Variants in SLC5A4 observed in about 807,000 individuals in gnomAD.
SLC5A4 encodes probable glucose sensor protein SLC5A4.
A neutral mutation model predicts 70.3 loss-of-function variants in SLC5A4; 55 were observed. The ratio of observed to expected loss-of-function variants is 0.78; its 90% confidence interval spans 0.63 to 0.98. SLC5A4 has a LOEUF of 0.98. Ranked by LOEUF, SLC5A4 falls within the 50% of genes least tolerant of loss-of-function variation. The pLI, the probability that SLC5A4 is intolerant of heterozygous loss-of-function variation, is 0.00. For synonymous variants in SLC5A4, 268 were observed against 305.7 expected (o/e 0.88, Z 1.29); for missense variants, 735 against 839.2 (o/e 0.88, Z 1.53).
chr22:32,282,637 T>A, the SLC5A4 span, among the ~76,000 whole-genome samples: 1 of 152,164 alleles, frequency 6.6e-6, no homozygotes, highest in Non-Finnish European at 1.5e-5. Flanking sequence ...CTGTCCTGAC[T>A]CCTGACCTCC....
chr22:32,241,839 CTGTGTG>C lies in SLC5A4; in HGVS notation c.478-2755_478-2750del, dbSNP rs750938000. On this transcript the variant is annotated intron_variant, in intron 5 of 14. Transcript: ENST00000266086. ...TGTATGTGTGTGTGTATATATATAT[CTGTGTG>C]TGTGTGTGTGTGTGTGTATATATAT... Among the ~76,000 whole-genome samples, 92 of 114,156 alleles carry C rather than the reference CTGTGTG, an allele frequency of 8.1e-4. 1 individual carries two copies. The highest frequency in any genetic ancestry group is 1.5e-3 in the Non-Finnish European group (77 of 50,908). 74.9% of individuals were successfully genotyped at this position (114,156 alleles called of 152,430 possible). A position where few individuals can be genotyped will look rare whatever the true frequency, so the allele number is the denominator to read the frequency against.
chr22:32,295,331 T>G, the SLC5A4 span, among the ~76,000 whole-genome samples: 2 of 105,616 alleles, frequency 1.9e-5, 1 homozygote, highest in East Asian at 5.1e-4. Context: ...CACCTGTTGT[T>G]TCCTGACTTT....
At position 32,248,902 on chromosome 22, in the gene SLC5A4, G is replaced by A. The variant is rs1235458894; in HGVS notation, c.313-100C>T. 3.7e-6 allele frequency: 3 copies of A among 809,544 alleles called. No individual in the cohort carries two copies. In the Admixed American group the frequency reaches 6.0e-5, roughly 16 times the overall value. 50.1% of individuals were successfully genotyped at this position (809,544 alleles called of 1,614,324 possible). A position where few individuals can be genotyped will look rare whatever the true frequency, so the allele number is the denominator to read the frequency against. ...CTGAGTCTGGAAATTAAAAAAAAAA[G>A]TTGGCTCAATCCTGTCCCATTCAAA... On this transcript the variant is annotated intron_variant, in intron 3 of 14. Transcript: ENST00000266086.
intron 5 of SLC5A4, among the ~76,000 whole-genome samples, chr22:32,241,950 T>C (rs57131182): frequency 0.01 from 1,558 of 152,010 alleles, 42 homozygotes; most frequent in African/African-American, 0.036. Context: ...CATATAAATA[T>C]AGAATTGCAG....
At chr22:32,292,208 A>AAT in the SLC5A4 span, among the ~76,000 whole-genome samples, 1 of 73,530 alleles carries the variant, frequency 1.4e-5, no homozygotes, top group Non-Finnish European at 2.4e-5. Context: ...GATATTATAT[A>AAT]ATATATATAT....
the SLC5A4 span, among the ~76,000 whole-genome samples, chr22:32,313,258 T>C: frequency 6.6e-6 from 1 of 152,196 alleles, no homozygotes; most frequent in Admixed American, 6.5e-5. Flanking sequence ...GTTACTAGGG[T>C]AATTATATGT....
At chr22:32,295,272 G>T in the SLC5A4 span, among the ~76,000 whole-genome samples, 1 of 102,652 alleles carries the variant, frequency 9.7e-6, no homozygotes, top group East Asian at 2.6e-4. Flanking sequence ...CTAGTTTACA[G>T]TCCCACCAAC....
chr22:32,262,851 G>A, the SLC5A4 span, among the ~76,000 whole-genome samples: 11 of 151,970 alleles, frequency 7.2e-5, no homozygotes, highest in African/African-American at 2.4e-4. Flanking sequence ...CTCACTGCAA[G>A]CTCTGACTCC....
the SLC5A4 span, among the ~76,000 whole-genome samples, chr22:32,292,810 GT>G: frequency 6.6e-6 from 1 of 152,126 alleles, no homozygotes; most frequent in Non-Finnish European, 1.5e-5. Context: ...ATCACATTCA[GT>G]TCTTCATATT....
chr22:32,298,464 C>T, the SLC5A4 span, among the ~76,000 whole-genome samples: 17 of 106,384 alleles, frequency 1.6e-4, no homozygotes, highest in African/African-American at 6.0e-4. Flanking sequence ...TTATCAGAGA[C>T]TAGGATTGCA....
the SLC5A4 span, among the ~76,000 whole-genome samples, chr22:32,294,718 G>A: frequency 6.8e-6 from 1 of 146,206 alleles, no homozygotes; most frequent in African/African-American, 2.5e-5. Flanking sequence ...CATTGTGCAG[G>A]TTAGTTACAT....
At chr22:32,327,772 T>C in the SLC5A4 span, among the ~76,000 whole-genome samples, 1 of 152,100 alleles carries the variant, frequency 6.6e-6, no homozygotes, top group African/African-American at 2.4e-5. Flanking sequence ...CTGACGGATG[T>C]AGTCACTCTC....
At chr22:32,310,859 G>A in the SLC5A4 span, among the ~76,000 whole-genome samples, 2 of 152,210 alleles carry the variant, frequency 1.3e-5, no homozygotes, top group African/African-American at 2.4e-5. Context: ...TTTTCCAAAC[G>A]CAGGGCATTG....
At chr22:32,294,939 T>C in the SLC5A4 span, among the ~76,000 whole-genome samples, 1 of 98,708 alleles carries the variant, frequency 1.0e-5, no homozygotes, top group Admixed American at 1.1e-4. Context: ...CTTGCGATAG[T>C]TTACTGAGAA....
At chr22:32,269,508 T>C in the SLC5A4 span, 1 of 591,360 alleles carries the variant, frequency 1.7e-6, no homozygotes, top group East Asian at 4.1e-5. This position sits in a 1 kb window ranked among gnomAD's most constrained non-coding sequence, Gnocchi z 4.1. Flanking sequence ...CACGTGGCTG[T>C]GTGGCAGGAC....
chr22:32,294,754 G>A, the SLC5A4 span, among the ~76,000 whole-genome samples: 3 of 134,686 alleles, frequency 2.2e-5, no homozygotes, highest in South Asian at 2.4e-4. Flanking sequence ...ATGCTGGTGC[G>A]CTGCACCCAC....
At chr22:32,325,438 GTCACT>G in the SLC5A4 span, among the ~76,000 whole-genome samples, 1 of 152,216 alleles carries the variant, frequency 6.6e-6, no homozygotes, top group Admixed American at 6.5e-5. Flanking sequence ...GGGACGACAG[GTCACT>G]CTGGGCAGAT....
chr22:32,336,386 G>A, the SLC5A4 span, among the ~76,000 whole-genome samples: 1 of 152,224 alleles, frequency 6.6e-6, no homozygotes, highest in Non-Finnish European at 1.5e-5. Context: ...TGGCATCTTT[G>A]TTTGCACAGT....
At chr22:32,326,403 C>G in the SLC5A4 span, among the ~76,000 whole-genome samples, 1 of 151,938 alleles carries the variant, frequency 6.6e-6, no homozygotes, top group Admixed American at 6.6e-5. Context: ...ATTACAGGCA[C>G]CCAACACCAT....
Sources: allele counts gnomAD v4.1 joint callset (sites outside exome capture counted in the v4.1 genomes callset), GRCh38; gene constraint gnomAD v4.1.1; non-coding constraint Gnocchi (gnomAD v3.1); transcripts MANE v1.5; gene names NCBI Gene and HGNC (gene_info 2026-07-23, HGNC 2026-07-21).